SYBU: variants seen among roughly 807,000 people sequenced by gnomAD.
The protein encoded by SYBU is GOLSYN A protein.
Under a neutral mutation model 35.9 loss-of-function variants are expected in SYBU, and 21 were observed. That is an observed-to-expected ratio of 0.58 (90% CI 0.41 to 0.84). The LOEUF is 0.84. Ranked by LOEUF, SYBU falls within the 40% of genes least tolerant of loss-of-function variation. The probability of loss-of-function intolerance (pLI) is 0.00; values close to 1 mark genes in which losing one functional copy is unlikely to be tolerated. For missense variants in SYBU, 768 were observed against 848.2 expected (o/e 0.91, Z 1.17); for synonymous variants, 319 against 324.3 (o/e 0.98, Z 0.18).
At chr8:109,649,440 T>G (rs912393452), upstream of SYBU, among the ~76,000 whole-genome samples, 2 of 152,106 alleles carry the variant, frequency 1.3e-5, no homozygotes, top group Non-Finnish European at 2.9e-5. Flanking sequence ...GAGAGGGCAG[T>G]GGGTAACCTG....
chr8:109,576,063 A>T, intron 6 of SYBU, 50 bp from the exon 7 acceptor site: 1 of 1,491,400 alleles, frequency 6.7e-7, no homozygotes. Context: ...AAAAAAAAAA[A>T]AAAAAAACTT....
At chr8:109,610,721 A>C (rs574393438) in intron 3 of SYBU, among the ~76,000 whole-genome samples, 3 of 152,366 alleles carry the variant, frequency 2.0e-5, no homozygotes, top group South Asian at 4.1e-4. Flanking sequence ...ATGCCATGCA[A>C]CAGATTGTAC....
At chr8:109,643,765 C>G (rs576865001) in intron 1 of SYBU, 112 of 304,830 alleles carry the variant, frequency 3.7e-4, no homozygotes, top group Non-Finnish European at 6.5e-4. Context: ...CCAGACTGTA[C>G]ATAGAGAGCA....
chr8:109,678,219 T>G (rs1817268693), intron 1 of SYBU, among the ~76,000 whole-genome samples: 1 of 147,468 alleles, frequency 6.8e-6, no homozygotes, highest in African/African-American at 2.5e-5. Flanking sequence ...AAAGTCACAC[T>G]CTTTTAAAGT....
intron 1 of SYBU, among the ~76,000 whole-genome samples, chr8:109,680,502 T>C (rs1817364848): frequency 6.6e-6 from 1 of 152,286 alleles, no homozygotes; most frequent in Non-Finnish European, 1.5e-5. Context: ...TACAAATTCT[T>C]TGCTATTTAA....
rs1236849776 is a variant in SYBU at position 109,688,770 on chromosome 8, A to AT, written c.-58+2562dup. The stretch of plus-strand genomic sequence containing the variant: ...TCAAAACCTCAGTATTTTTACACAG[A>AT]TAAAAAAAAAAAGAGAGAGAAGAAA... On this transcript the variant is annotated intron_variant, in intron 1 of 7. Transcript: ENST00000422135. Among the ~76,000 whole-genome samples, 508 of 148,738 alleles carry AT rather than the reference A, an allele frequency of 3.4e-3. 2 individuals are homozygous for AT. The highest frequency in any genetic ancestry group is 0.012 in the African/African-American group (473 of 40,350).
chr8:109,638,109 C>G (rs1304182439), intron 2 of SYBU, among the ~76,000 whole-genome samples: 1 of 152,170 alleles, frequency 6.6e-6, no homozygotes, highest in East Asian at 1.9e-4. Context: ...AACAACTAGT[C>G]TTCTATCTGC....
chr8:109,683,536 C>T (rs1327713121), upstream of SYBU, among the ~76,000 whole-genome samples: 1 of 152,158 alleles, frequency 6.6e-6, no homozygotes, highest in Non-Finnish European at 1.5e-5. Context: ...ATTTTGCAGG[C>T]TCATAGGCAG....
chr8:109,634,773 T>C (rs1328609437), intron 2 of SYBU, among the ~76,000 whole-genome samples: 1 of 152,214 alleles, frequency 6.6e-6, no homozygotes, highest in Non-Finnish European at 1.5e-5. Context: ...AACCTGGACA[T>C]TGAAATTAAT....
intron 3 of SYBU, among the ~76,000 whole-genome samples, chr8:109,592,194 C>T (rs974594681): frequency 1.3e-5 from 2 of 152,004 alleles, no homozygotes; most frequent in Admixed American, 1.3e-4. Context: ...CTTAAAAAGA[C>T]CTATAATAGG....
In SYBU at chr8:109,574,318, C is replaced by T. The variant is rs1231271885; in HGVS notation, c.*588G>A. On this transcript the variant is annotated 3_prime_UTR_variant, in exon 7 of 7. Transcript: ENST00000276646. ...TAAGTTAGTACATTGTAAACTTATGCACAGTTTCATCAATTAACAGTTTAA... is the reference window on the plus strand; with the variant it reads ...TAAGTTAGTACATTGTAAACTTATGTACAGTTTCATCAATTAACAGTTTAA... 1 of 152,570 alleles carries T rather than the reference C, an allele frequency of 6.6e-6. No individual in the cohort carries two copies. Among genetic ancestry groups the T allele is most frequent in the Non-Finnish European group, 1.5e-5 (1 of 68,024 alleles). The allele number at this position is 152,570 out of a possible 1,614,324, so 9.5% of individuals were successfully genotyped here.
At chr8:109,623,087 T>C (rs1176075151) in intron 2 of SYBU, among the ~76,000 whole-genome samples, 1 of 152,196 alleles carries the variant, frequency 6.6e-6, no homozygotes, top group Non-Finnish European at 1.5e-5. Flanking sequence ...TTTTTACATT[T>C]CTTTCTTCAT....
rs71564047 is a variant in SYBU at position 109,607,808 on chromosome 8, T to TCTCACA, written c.427+11033_427+11034insTGTGAG. On this transcript the variant is annotated intron_variant, in intron 3 of 6. Coordinates refer to ENST00000276646, the MANE Select transcript of SYBU (RefSeq NM_001099754.2). ...TCCATTTTGGCCTACCACAACTAAC[T>TCTCACA]CACACACACACACACACACACACAC... 69 of 377,196 alleles carry TCTCACA rather than the reference T, an allele frequency of 1.8e-4. No homozygotes were observed. In the Middle Eastern group the frequency reaches 2.1e-3, roughly 11 times the overall value. 23.4% of individuals were successfully genotyped at this position (377,196 alleles called of 1,614,324 possible). A position where few individuals can be genotyped will look rare whatever the true frequency, so the allele number is the denominator to read the frequency against.
At chr8:109,671,130 C>G (rs553624936) in intron 1 of SYBU, among the ~76,000 whole-genome samples, 22 of 152,120 alleles carry the variant, frequency 1.4e-4, no homozygotes, top group African/African-American at 5.1e-4. Flanking sequence ...GTTCCCTACC[C>G]CCATAATAAT....
intron 4 of SYBU, 59 bp downstream of exon 4, chr8:109,586,000 AG>A: frequency 8.8e-7 from 1 of 1,142,310 alleles, no homozygotes; most frequent in South Asian, 1.4e-5. Flanking sequence ...ACAGATGCAC[AG>A]GTGCAGGTGA....
chr8:109,577,719 G>A lies in SYBU; in HGVS notation c.884+149C>T, dbSNP rs571335955. 140 of 817,954 alleles carry A rather than the reference G, an allele frequency of 1.7e-4. 1 individual carries two copies. In the East Asian group the frequency reaches 3.7e-3, roughly 22 times the overall value. 50.7% of individuals were successfully genotyped at this position (817,954 alleles called of 1,614,324 possible). ...GCCATATCACACAGAGTTATGAAATGACTCTTTTCAGAGGCTGACTTTAAA... is the reference window on the plus strand; with the variant it reads ...GCCATATCACACAGAGTTATGAAATAACTCTTTTCAGAGGCTGACTTTAAA... On this transcript the variant is annotated intron_variant, in intron 6 of 6. Transcript: ENST00000276646.
intron 4 of SYBU, among the ~76,000 whole-genome samples, chr8:109,582,428 C>G (rs542481474): frequency 6.6e-6 from 1 of 152,114 alleles, no homozygotes; most frequent in African/African-American, 2.4e-5. Flanking sequence ...AACTGTGAAA[C>G]CCAATGCTGT....
chr8:109,578,062 T>TAGAAAAGG, intron 5 of SYBU, 45 bp from the exon 6 acceptor site: 3 of 1,578,048 alleles, frequency 1.9e-6, no homozygotes, highest in Non-Finnish European at 2.6e-6. Flanking sequence ...GCCGTTTCCT[T>TAGAAAAGG]TTCTATAAAA....
intron 3 of SYBU, among the ~76,000 whole-genome samples, chr8:109,589,829 A>C (rs1358093117): frequency 6.6e-6 from 1 of 152,130 alleles, no homozygotes; most frequent in African/African-American, 2.4e-5. Flanking sequence ...CAAGATATGG[A>C]GCAGTCCTCA....
Sources: allele counts gnomAD v4.1 joint callset (sites outside exome capture counted in the v4.1 genomes callset), GRCh38; gene constraint gnomAD v4.1.1; transcripts MANE v1.5; gene names NCBI Gene and HGNC (gene_info 2026-07-23, HGNC 2026-07-21).